Variants in DUSP16 observed in about 807,000 individuals in gnomAD.
DUSP16 encodes the protein dual specificity phosphatase 16, also known as dual specificity protein phosphatase 16.
A neutral mutation model predicts 58.3 loss-of-function variants in DUSP16; 21 were observed. The ratio of observed to expected loss-of-function variants is 0.36; its 90% CI spans 0.26 to 0.52. The LOEUF is 0.52. Ranked by LOEUF, DUSP16 falls within the 20% of genes least tolerant of loss-of-function variation. The pLI is 0.94. For missense variants in DUSP16, 726 were observed against 819.0 expected, an observed-to-expected ratio of 0.89 and a Z score of 1.39; for synonymous variants, 320 against 323.8, an observed-to-expected ratio of 0.99 and a Z score of 0.12.
rs60480573 is a variant in DUSP16, at chr12:12,535,710, A to C, written c.-365-14247T>G. 6.8e-3 allele frequency among the ~76,000 whole-genome samples: 1,029 copies of C among 152,384 alleles called. 13 individuals carry two copies. The highest frequency in any genetic ancestry group is 0.023 in the African/African-American group (969 of 41,598). On this transcript the variant is annotated intron_variant, in intron 1 of 6. Coordinates refer to ENST00000298573, the MANE Select transcript of DUSP16 (RefSeq NM_030640.3). ...AATGACATTTTGAACAAATATGAAA[A>C]GATAACATGCCGGTCAGATGTCCAG...
At position 12,476,674 on chromosome 12, in the gene DUSP16, G is replaced by C; in HGVS notation, c.*159C>G. 1 of 614,396 alleles carries C rather than the reference G, an allele frequency of 1.6e-6. No homozygotes were observed. The highest frequency in any genetic ancestry group is 2.3e-5 in the South Asian group (1 of 44,392). 38.1% of individuals were successfully genotyped at this position (614,396 alleles called of 1,614,324 possible). A position where few individuals can be genotyped will look rare whatever the true frequency, so the allele number is the denominator to read the frequency against. ...CTGATCTCTCAAATGCAGATGTTAA[G>C]AGAGTAACAACTGGGTTGATCCACC... On this transcript the variant is annotated 3_prime_UTR_variant, in exon 7 of 7. Transcript: ENST00000298573.
At chr12:12,479,670 T>C (rs1304208809) in intron 6 of DUSP16, among the ~76,000 whole-genome samples, 1 of 152,150 alleles carries the variant, frequency 6.6e-6, no homozygotes, top group Admixed American at 6.6e-5. Context: ...CAACGATACA[T>C]GCAGGGGAGT....
chr12:12,549,367 C>A (rs567729154), intron 1 of DUSP16, among the ~76,000 whole-genome samples: 85 of 152,198 alleles, frequency 5.6e-4, no homozygotes, highest in African/African-American at 2.0e-3. Flanking sequence ...GTTGCACCCA[C>A]CCCCGCACTT....
At chr12:12,559,224 G>A (rs1230796614) in intron 1 of DUSP16, among the ~76,000 whole-genome samples, 2 of 152,084 alleles carry the variant, frequency 1.3e-5, no homozygotes, top group Non-Finnish European at 2.9e-5. Flanking sequence ...TCCTAATTAT[G>A]TTTTTGTTTA....
intron 1 of DUSP16, among the ~76,000 whole-genome samples, chr12:12,555,050 C>A (rs933285380): frequency 6.6e-6 from 1 of 152,140 alleles, no homozygotes; most frequent in East Asian, 1.9e-4. Context: ...CAAATAAACC[C>A]ACTACAAAAT....
At chr12:12,557,842 AG>A (rs1387520899) in intron 1 of DUSP16, among the ~76,000 whole-genome samples, 7 of 152,254 alleles carry the variant, frequency 4.6e-5, no homozygotes, top group African/African-American at 1.7e-4. Context: ...CTGTATGGCC[AG>A]GGTCTAGCAC....
At chr12:12,525,805 G>A (rs1007632686) in intron 1 of DUSP16, among the ~76,000 whole-genome samples, 1 of 151,328 alleles carries the variant, frequency 6.6e-6, no homozygotes, top group Non-Finnish European at 1.5e-5. Flanking sequence ...CTAAGAAGCT[G>A]ACAAGTAACT....
rs1236279273 is a variant in DUSP16, at chr12:12,474,465, C to T, written c.*2368G>A. The T allele has an allele frequency of 6.6e-6, 1 of 152,258 alleles. No homozygotes were observed. Among genetic ancestry groups the T allele is most frequent in the Non-Finnish European group, 1.5e-5 (1 of 68,038 alleles). 9.4% of individuals were successfully genotyped at this position (152,258 alleles called of 1,614,324 possible). ...TCTTTAAAATCACCATCTGTATCAC[C>T]CCTAGTAGACGCGAGGGTTTCCCCA... is the stretch of plus-strand genomic sequence containing the variant. On this transcript the variant is annotated 3_prime_UTR_variant, in exon 7 of 7. Coordinates refer to ENST00000298573, the MANE Select transcript of DUSP16 (RefSeq NM_030640.3).
chr12:12,487,361 GA>G (rs200784639), intron 4 of DUSP16, among the ~76,000 whole-genome samples, 174 bp from the exon 5 acceptor site: 11,583 of 145,250 alleles, frequency 0.08, 918 homozygotes, highest in East Asian at 0.39. Context: ...CAAGTTTAAA[GA>G]AAAAAAAAAA....
intron 3 of DUSP16, chr12:12,506,181 ACTAACTGTGG>A (rs1190998024): frequency 1.3e-5 from 2 of 152,216 alleles, no homozygotes; most frequent in Non-Finnish European, 2.9e-5. Flanking sequence ...ACCTCTAAAA[ACTAACTGTGG>A]CCTCACCAGC....
chr12:12,478,040 AC>A lies in DUSP16; in HGVS notation c.816-26del, dbSNP rs1265070706. The A allele has an allele frequency of 7.9e-6, 12 of 1,521,874 alleles. No homozygotes were observed. The East Asian group carries it at 2.3e-4, about 29-fold the overall frequency. The allele number at this position is 1,521,874 out of a possible 1,614,324, so 94.3% of individuals were successfully genotyped here. The stretch of plus-strand genomic sequence containing the variant: ...TCTGCAGAGAGAGGAAAAAACAAAA[AC>A]CCGAATTTTACAACTACACTTTATC... On this transcript the variant is annotated intron_variant, in intron 6 of 6. Transcript: ENST00000298573.
At chr12:12,499,428 C>G (rs980228358) in intron 4 of DUSP16, among the ~76,000 whole-genome samples, 1 of 152,140 alleles carries the variant, frequency 6.6e-6, no homozygotes, top group African/African-American at 2.4e-5. Flanking sequence ...ACAGTAAAAG[C>G]AGACATATTA....
intron 1 of DUSP16, among the ~76,000 whole-genome samples, chr12:12,555,273 A>G (rs952659962): frequency 1.3e-5 from 2 of 152,234 alleles, no homozygotes; most frequent in African/African-American, 4.8e-5. Flanking sequence ...GAGTGAGCAC[A>G]TGGCTCAAAT....
intron 5 of DUSP16, among the ~76,000 whole-genome samples, chr12:12,486,481 A>AGAGTGTGTGT (rs1402961298): frequency 6.8e-6 from 1 of 147,262 alleles, no homozygotes; most frequent in African/African-American, 2.5e-5. Context: ...ACCAAATGAG[A>AGAGTGTGTGT]GTGTGTGTGT....
intron 3 of DUSP16, among the ~76,000 whole-genome samples, chr12:12,502,077 A>G (rs1283529043): frequency 6.6e-6 from 1 of 152,210 alleles, no homozygotes; most frequent in East Asian, 1.9e-4. Context: ...CTTGAACAAG[A>G]TCCTGAAATC....
chr12:12,484,644 C>G (rs1943643791), intron 5 of DUSP16, among the ~76,000 whole-genome samples: 1 of 151,952 alleles, frequency 6.6e-6, no homozygotes, highest in African/African-American at 2.4e-5. Flanking sequence ...TTTTTTGAGA[C>G]AAAGTCTCAC....
At chr12:12,511,488 G>A (rs962758568) in intron 3 of DUSP16, among the ~76,000 whole-genome samples, 1 of 151,944 alleles carries the variant, frequency 6.6e-6, no homozygotes, top group Admixed American at 6.6e-5. Flanking sequence ...GTTCATTCCT[G>A]ACATTTTTAA....
intron 3 of DUSP16, among the ~76,000 whole-genome samples, chr12:12,511,957 A>G (rs1194520638): frequency 1.3e-5 from 2 of 152,150 alleles, no homozygotes; most frequent in Admixed American, 6.5e-5. Flanking sequence ...TTTGTGCACA[A>G]TATCAGGATG....
intron 4 of DUSP16, among the ~76,000 whole-genome samples, chr12:12,494,470 A>G (rs756335730): frequency 1.3e-5 from 2 of 152,240 alleles, no homozygotes; most frequent in South Asian, 4.1e-4. Context: ...AGTTGCACGA[A>G]TAATGATGAT....
Sources: gnomAD v4.1 joint callset for allele counts (sites outside exome capture counted in the v4.1 genomes callset) on GRCh38, gnomAD v4.1.1 for gene constraint, MANE v1.5 for transcripts, NCBI Gene and HGNC (gene_info 2026-07-23, HGNC 2026-07-21) for gene names.